The following MAGI2 variants were observed in gnomAD, a reference collection of about 807,000 sequenced individuals.
MAGI2 encodes membrane-associated guanylate kinase, WW and PDZ domain-containing protein 2.
Under a neutral mutation model 133.3 loss-of-function variants are expected in MAGI2, and 35 were observed. The ratio of observed to expected loss-of-function variants is 0.26; its 90% CI spans 0.20 to 0.35. The LOEUF is 0.35. Among genes scored for constraint, MAGI2 ranks in the 10% least tolerant of loss-of-function variants. The pLI, the probability that MAGI2 is intolerant of heterozygous loss-of-function variation, is 1.00. For missense variants in MAGI2, 1,636 were observed against 1,863.4 expected, an observed-to-expected ratio of 0.88 and a Z score of 2.25; for synonymous variants, 729 against 710.6, an observed-to-expected ratio of 1.03 and a Z score of -0.41.
chr7:78,885,509 A>G (rs190581664), intron 2 of MAGI2, among the ~76,000 whole-genome samples: 279 of 152,232 alleles, frequency 1.8e-3, no homozygotes, highest in African/African-American at 6.4e-3. Context: ...GATATTGTAC[A>G]TGAACTTTAA....
At chr7:78,373,240 G>C (rs1026403199) in intron 6 of MAGI2, among the ~76,000 whole-genome samples, 1 of 152,104 alleles carries the variant, frequency 6.6e-6, no homozygotes, top group Non-Finnish European at 1.5e-5. Flanking sequence ...AAACTGACTG[G>C]GATATTACCA....
intron 1 of MAGI2, among the ~76,000 whole-genome samples, chr7:79,321,316 T>C (rs1190692738): frequency 6.6e-6 from 1 of 152,212 alleles, no homozygotes; most frequent in African/African-American, 2.4e-5. Flanking sequence ...AAAAGAAATG[T>C]GACCTGTAAA....
At chr7:79,070,491 A>ATTAT (rs886567370) in intron 1 of MAGI2, among the ~76,000 whole-genome samples, 18 of 150,058 alleles carry the variant, frequency 1.2e-4, no homozygotes, top group African/African-American at 3.2e-4. Flanking sequence ...TTTTATTTTT[A>ATTAT]TTATTTATTT....
chr7:79,427,476 G>T (rs1847469543), intron 1 of MAGI2, among the ~76,000 whole-genome samples: 1 of 152,106 alleles, frequency 6.6e-6, no homozygotes, highest in Admixed American at 6.6e-5. Flanking sequence ...ACAAATAAAA[G>T]AATGTAGATA....
chr7:79,438,353 C>A (rs979876662), intron 1 of MAGI2, among the ~76,000 whole-genome samples: 3 of 152,104 alleles, frequency 2.0e-5, no homozygotes, highest in Non-Finnish European at 4.4e-5. Context: ...TTTGTCAACT[C>A]ACCATCTTTA....
intron 3 of MAGI2, among the ~76,000 whole-genome samples, chr7:78,550,756 G>GT (rs35785592): frequency 0.36 from 53,211 of 147,040 alleles, 11,038 homozygotes; most frequent in Non-Finnish European, 0.48. Context: ...CCTCTGAACA[G>GT]TTTTTTTTTT....
At chr7:79,329,264 G>A (rs993292656) in intron 1 of MAGI2, among the ~76,000 whole-genome samples, 3 of 152,158 alleles carry the variant, frequency 2.0e-5, no homozygotes, top group Admixed American at 6.5e-5. Context: ...TGCATTAAAA[G>A]CATCTCAATT....
intron 1 of MAGI2, among the ~76,000 whole-genome samples, chr7:79,082,983 G>T (rs903681694): frequency 1.7e-4 from 25 of 151,062 alleles, no homozygotes; most frequent in Admixed American, 1.5e-3. Context: ...TTTTTCAATT[G>T]TTCATTGATT....
chr7:79,051,913 T>C (rs1812711352), intron 1 of MAGI2, among the ~76,000 whole-genome samples: 1 of 151,896 alleles, frequency 6.6e-6, no homozygotes, highest in African/African-American at 2.4e-5. Flanking sequence ...TCTCTTTCTA[T>C]ATATATATAT....
chr7:78,236,475 C>T (rs1226986877), intron 10 of MAGI2, among the ~76,000 whole-genome samples: 4 of 151,992 alleles, frequency 2.6e-5, no homozygotes, highest in South Asian at 2.1e-4. Context: ...ACGCCAAGCT[C>T]GAGGAAAAAA....
chr7:79,300,359 C>A (rs116144563), intron 1 of MAGI2, among the ~76,000 whole-genome samples: 184 of 152,264 alleles, frequency 1.2e-3, no homozygotes, highest in African/African-American at 4.3e-3. Context: ...GAAACTGGAG[C>A]ACAGGTCACA....
At chr7:78,816,179 C>T (rs920249726) in intron 2 of MAGI2, among the ~76,000 whole-genome samples, 2 of 152,182 alleles carry the variant, frequency 1.3e-5, no homozygotes, top group African/African-American at 4.8e-5. Flanking sequence ...GAAATCAAAG[C>T]CTAATCCAGA....
intron 2 of MAGI2, among the ~76,000 whole-genome samples, chr7:78,862,779 C>T (rs148744093): frequency 4.2e-4 from 64 of 152,216 alleles, no homozygotes; most frequent in African/African-American, 1.3e-3. Context: ...ACTAACAGGG[C>T]GATTTTGCTA....
At chr7:78,457,834 G>T (rs1015613746) in intron 6 of MAGI2, among the ~76,000 whole-genome samples, 1 of 152,138 alleles carries the variant, frequency 6.6e-6, no homozygotes. Context: ...ATCCACTTCT[G>T]TATCTCCAAA....
intron 6 of MAGI2, among the ~76,000 whole-genome samples, chr7:78,386,621 T>C (rs537038167): frequency 2.0e-5 from 3 of 152,264 alleles, no homozygotes; most frequent in Non-Finnish European, 4.4e-5. Context: ...CTAACATACA[T>C]GCCAAGCTTT....
chr7:78,554,582 C>T (rs1179317859), intron 3 of MAGI2: 1 of 152,210 alleles, frequency 6.6e-6, no homozygotes, highest in Non-Finnish European at 1.5e-5. Flanking sequence ...TCTCGCCCAT[C>T]TCCCCGGAAG....
chr7:79,393,109 G>A (rs1465336789), intron 1 of MAGI2, among the ~76,000 whole-genome samples: 1 of 152,108 alleles, frequency 6.6e-6, no homozygotes, highest in Non-Finnish European at 1.5e-5. Context: ...TAGGAAACTT[G>A]ATCATAATCT....
intron 2 of MAGI2, among the ~76,000 whole-genome samples, chr7:78,718,810 A>G (rs1366676919): frequency 6.6e-6 from 1 of 152,146 alleles, no homozygotes; most frequent in Non-Finnish European, 1.5e-5. Context: ...ATTGTCTTCC[A>G]TGAAACCAGT....
At chr7:79,062,409 A>G (rs1813845367) in intron 1 of MAGI2, among the ~76,000 whole-genome samples, 1 of 152,162 alleles carries the variant, frequency 6.6e-6, no homozygotes, top group African/African-American at 2.4e-5. Flanking sequence ...GATGACTTGA[A>G]AAAGACGTGG....
Sources: allele counts gnomAD v4.1 joint callset (sites outside exome capture counted in the v4.1 genomes callset), GRCh38; gene constraint gnomAD v4.1.1; transcripts MANE v1.5; gene names NCBI Gene and HGNC (gene_info 2026-07-23, HGNC 2026-07-21).